The following WDTC1 variants were observed in gnomAD, a reference collection of about 807,000 sequenced individuals.
WDTC1 encodes the protein WD and tetratricopeptide repeats protein 1.
Under a neutral mutation model 76.0 loss-of-function variants are expected in WDTC1, and 12 were observed. The ratio of observed to expected loss-of-function variants is 0.16; its 90% CI spans 0.10 to 0.26. The LOEUF (loss-of-function observed/expected upper bound fraction) is 0.26, where lower values mean the gene tolerates loss of function less well. Among genes scored for constraint, WDTC1 ranks in the 10% least tolerant of loss-of-function variants. The pLI, the probability that WDTC1 is intolerant of heterozygous loss-of-function variation, is 1.00. For missense variants in WDTC1, 511 were observed against 908.8 expected (o/e 0.56, Z 5.63); for synonymous variants, 326 against 350.8 (o/e 0.93, Z 0.79).
At chr1:27,276,761 A>G (rs1181322088) in intron 3 of WDTC1, among the ~76,000 whole-genome samples, 1 of 151,426 alleles carries the variant, frequency 6.6e-6, no homozygotes, top group Non-Finnish European at 1.5e-5. Context: ...GTGAAGTGGT[A>G]TCTCATTGTG....
chr1:27,238,778 T>C (rs2011546926), intron 1 of WDTC1, among the ~76,000 whole-genome samples: 1 of 152,178 alleles, frequency 6.6e-6, no homozygotes, highest in African/African-American at 2.4e-5. Flanking sequence ...TTGACCAGAC[T>C]GGTCTTGAAC....
chr1:27,256,898 G>C (rs1221773727), intron 1 of WDTC1, among the ~76,000 whole-genome samples: 2 of 152,124 alleles, frequency 1.3e-5, no homozygotes, highest in Non-Finnish European at 2.9e-5. Flanking sequence ...GTCTCACTCT[G>C]TTGCCCAGGC....
intron 3 of WDTC1, among the ~76,000 whole-genome samples, chr1:27,271,041 G>C (rs2012855415): frequency 6.6e-6 from 1 of 152,116 alleles, no homozygotes; most frequent in Non-Finnish European, 1.5e-5. Flanking sequence ...TGTAACAAAG[G>C]AGGGAGAATA....
intron 3 of WDTC1, among the ~76,000 whole-genome samples, chr1:27,265,992 C>T (rs1165493046): frequency 6.6e-6 from 1 of 151,986 alleles, no homozygotes; most frequent in Admixed American, 6.6e-5. Context: ...TAAATATTGA[C>T]AGATATCACC....
intron 3 of WDTC1, among the ~76,000 whole-genome samples, chr1:27,268,460 C>T (rs1353459501): frequency 1.3e-5 from 2 of 151,290 alleles, no homozygotes; most frequent in Non-Finnish European, 1.5e-5. Context: ...GCCCTGTCAC[C>T]CAGGCTGGAG....
chr1:27,300,168 G>A lies in WDTC1; in HGVS notation c.1233-1058G>A, dbSNP rs79361026. 6.9e-3 allele frequency among the ~76,000 whole-genome samples: 1,053 copies of A among 152,334 alleles called. 8 individuals are homozygous for A. Among genetic ancestry groups the A allele is most frequent in the Non-Finnish European group, 9.8e-3 (666 of 68,028 alleles). On this transcript the variant is annotated intron_variant, in intron 12 of 15. Coordinates refer to ENST00000319394, the MANE Select transcript of WDTC1 (RefSeq NM_001276252.2). Reference sequence around the variant, plus strand: ...TCCGAGGACTGGGTGCTCCCTCTGAGTGCTGCAGAAGGAGGCTCAGGAAGA... The same window carrying A: ...TCCGAGGACTGGGTGCTCCCTCTGAATGCTGCAGAAGGAGGCTCAGGAAGA...
intron 3 of WDTC1, among the ~76,000 whole-genome samples, chr1:27,277,228 T>C (rs138869519): frequency 1.3e-4 from 20 of 152,260 alleles, no homozygotes; most frequent in African/African-American, 4.3e-4. Context: ...CTGGTGCTTT[T>C]GGTGTTGTGT....
intron 3 of WDTC1, among the ~76,000 whole-genome samples, chr1:27,272,406 A>C (rs144690477): frequency 2.6e-5 from 4 of 152,214 alleles, no homozygotes; most frequent in Non-Finnish European, 5.9e-5. Context: ...ATTTTTAAAC[A>C]TGATACTTTG....
chr1:27,299,795 T>A (rs2013786171), intron 12 of WDTC1, among the ~76,000 whole-genome samples: 1 of 151,886 alleles, frequency 6.6e-6, no homozygotes, highest in Non-Finnish European at 1.5e-5. Flanking sequence ...TGGCAGTGAG[T>A]CTAGGAAGGG....
intron 1 of WDTC1, among the ~76,000 whole-genome samples, chr1:27,258,535 A>AAAAG (rs1557484517): frequency 6.6e-6 from 1 of 151,172 alleles, no homozygotes. Context: ...CTGCCAAAAA[A>AAAAG]AAAAAAGAAA....
rs541019174 is a variant in WDTC1, at chr1:27,297,923, C to T, written c.1059-15C>T. ...CTTCTTTGACTGTTCTGACTTGGCT[C>T]TATTTCCCCTGCAGCCCCCAAGTAG... On this transcript the variant is annotated splice_polypyrimidine_tract_variant and intron_variant, in intron 11 of 15. Transcript: ENST00000319394. The T allele has an allele frequency of 3.7e-6, 6 of 1,602,510 alleles. No homozygotes were observed. Among genetic ancestry groups the T allele is most frequent in the Non-Finnish European group, 5.1e-6 (6 of 1,172,516 alleles).
chr1:27,235,574 A>G (rs999744217), intron 1 of WDTC1, among the ~76,000 whole-genome samples: 1 of 151,882 alleles, frequency 6.6e-6, no homozygotes, highest in Non-Finnish European at 1.5e-5. Context: ...TTCAAAGGGT[A>G]AATAGGAAGT....
At chr1:27,260,770 A>G (rs1364077101) in intron 1 of WDTC1, among the ~76,000 whole-genome samples, 186 bp from the exon 2 acceptor site, 1 of 152,186 alleles carries the variant, frequency 6.6e-6, no homozygotes, top group African/African-American at 2.4e-5. Flanking sequence ...GGGATGTGCT[A>G]CTGTTCTCCC....
At chr1:27,262,886 T>G (rs1451873307) in intron 2 of WDTC1, among the ~76,000 whole-genome samples, 1 of 152,078 alleles carries the variant, frequency 6.6e-6, no homozygotes, top group East Asian at 1.9e-4. Flanking sequence ...CCCCATTGTT[T>G]CCAATTTTTC....
In WDTC1 at chr1:27,294,096, C is replaced by T. The variant is rs1260742157; in HGVS notation, c.737C>T (p.Ala246Val). ...CDRQKPLPDG[A>V]AQYYVAGHLP... Reference sequence around the variant, plus strand: ...CGGCAGAAACCCCTTCCGGACGGTGCAGCCCAGTATTACGTAGCAGGTAGC... The same window carrying T: ...CGGCAGAAACCCCTTCCGGACGGTGTAGCCCAGTATTACGTAGCAGGTAGC... The change falls in exon 8 of 16, where the codon GCA becomes GTA. Residue 246 changes from alanine to valine, a missense_variant. Coordinates refer to ENST00000319394, the MANE Select transcript of WDTC1 (RefSeq NM_001276252.2). 2 of 1,613,910 alleles carry T rather than the reference C, an allele frequency of 1.2e-6. No homozygotes were observed. The highest frequency in any genetic ancestry group is 8.5e-7 in the Non-Finnish European group (1 of 1,179,994).
intron 3 of WDTC1, among the ~76,000 whole-genome samples, chr1:27,265,995 A>G (rs1415214722): frequency 6.6e-6 from 1 of 152,268 alleles, no homozygotes; most frequent in Admixed American, 6.5e-5. Flanking sequence ...ATATTGACAG[A>G]TATCACCCAT....
intron 1 of WDTC1, among the ~76,000 whole-genome samples, chr1:27,240,972 C>CAAAAAA (rs10683474): frequency 7.3e-6 from 1 of 137,372 alleles, no homozygotes; most frequent in Non-Finnish European, 1.5e-5. Context: ...GACTCCATCT[C>CAAAAAA]AAAAAAAAAA....
chr1:27,237,861 C>CAAAAAAAAAAAAA (rs11427877), intron 1 of WDTC1, among the ~76,000 whole-genome samples: 1 of 126,298 alleles, frequency 7.9e-6, no homozygotes, highest in Non-Finnish European at 1.6e-5. Flanking sequence ...AACTCCATCT[C>CAAAAAAAAAAAAA]AAAAAAAAAA....
At chr1:27,240,394 C>G (rs1343760807) in intron 1 of WDTC1, among the ~76,000 whole-genome samples, 1 of 152,142 alleles carries the variant, frequency 6.6e-6, no homozygotes, top group Non-Finnish European at 1.5e-5. Flanking sequence ...AATCATGTAT[C>G]CTCTCAGAGC....
Sources: gnomAD v4.1 joint callset for allele counts (sites outside exome capture counted in the v4.1 genomes callset) on GRCh38, gnomAD v4.1.1 for gene constraint, MANE v1.5 for transcripts, NCBI Gene and HGNC (gene_info 2026-07-23, HGNC 2026-07-21) for gene names.